Variants in NPAS3 observed in about 807,000 individuals in gnomAD.
NPAS3 encodes the protein neuronal PAS domain-containing protein 3.
Under a neutral mutation model 73.1 loss-of-function variants are expected in NPAS3, and 14 were observed. The ratio of observed to expected loss-of-function variants is 0.19; its 90% CI spans 0.13 to 0.30. NPAS3 has a LOEUF of 0.30. NPAS3 is among the 10% of genes least tolerant of loss of function. The pLI is 1.00. For missense variants in NPAS3, 1,096 were observed against 1,250.0 expected (o/e 0.88, Z 1.86); for synonymous variants, 620 against 541.5 (o/e 1.14, Z -2.01).
At chr14:33,485,608 C>G (rs920350075) in intron 4 of NPAS3, among the ~76,000 whole-genome samples, 4 of 152,124 alleles carry the variant, frequency 2.6e-5, no homozygotes, top group Non-Finnish European at 4.4e-5. Flanking sequence ...GGAAGTGAAG[C>G]GTGTCCTCTT....
intron 4 of NPAS3, among the ~76,000 whole-genome samples, chr14:33,472,904 A>G (rs1046807416): frequency 6.6e-6 from 1 of 150,910 alleles, no homozygotes; most frequent in Non-Finnish European, 1.5e-5. Flanking sequence ...GCTTATAAGA[A>G]AACCTAGAGA....
At chr14:33,710,760 A>T (rs1030925267) in intron 6 of NPAS3, among the ~76,000 whole-genome samples, 1 of 152,222 alleles carries the variant, frequency 6.6e-6, no homozygotes, top group Admixed American at 6.5e-5. Context: ...GCTAACTTTT[A>T]TTTATTCTAG....
intron 4 of NPAS3, among the ~76,000 whole-genome samples, chr14:33,553,315 T>G (rs1003008016): frequency 9.9e-5 from 15 of 152,236 alleles, no homozygotes; most frequent in African/African-American, 3.6e-4. Flanking sequence ...TTCTCATGTT[T>G]TAACACTTTG....
At chr14:33,109,072 T>G (rs116961674) in intron 2 of NPAS3, among the ~76,000 whole-genome samples, 1 of 152,258 alleles carries the variant, frequency 6.6e-6, no homozygotes, top group Non-Finnish European at 1.5e-5. Flanking sequence ...CTAGTAATAA[T>G]AAAGAAACAC....
At chr14:33,497,040 C>G (rs1046340202) in intron 4 of NPAS3, among the ~76,000 whole-genome samples, 11 of 152,274 alleles carry the variant, frequency 7.2e-5, no homozygotes, top group African/African-American at 2.6e-4. Context: ...CACAAGCATT[C>G]CTATTCACCA....
chr14:33,583,185 G>A (rs1255764711), intron 5 of NPAS3: 1 of 152,050 alleles, frequency 6.6e-6, no homozygotes, highest in East Asian at 1.9e-4. Flanking sequence ...AATTGTAAAA[G>A]GCTATTTGCA....
intron 2 of NPAS3, among the ~76,000 whole-genome samples, chr14:33,112,525 C>G (rs1487130584): frequency 2.0e-5 from 3 of 151,740 alleles, no homozygotes; most frequent in African/African-American, 7.3e-5. Flanking sequence ...TTGTTTTTTT[C>G]TTGTAAATCT....
intron 4 of NPAS3, among the ~76,000 whole-genome samples, chr14:33,457,346 A>G (rs2050069222): frequency 6.6e-6 from 1 of 152,248 alleles, no homozygotes; most frequent in Non-Finnish European, 1.5e-5. Flanking sequence ...GTGAAATAGT[A>G]CTAACCACAA....
intron 5 of NPAS3, chr14:33,578,196 T>A (rs1290009226): frequency 2.2e-6 from 1 of 456,006 alleles, no homozygotes; most frequent in Non-Finnish European, 4.4e-6. Context: ...CACCTTTGTT[T>A]TTTTTTCCCT....
At chr14:33,559,736 T>TGGCCGGGCGC in intron 4 of NPAS3, among the ~76,000 whole-genome samples, 1 of 152,312 alleles carries the variant, frequency 6.6e-6, no homozygotes, top group Non-Finnish European at 1.5e-5. Context: ...AAATTCAGCG[T>TGGCCGGGCGC]GGCCGGGCGC....
intron 8 of NPAS3, among the ~76,000 whole-genome samples, chr14:33,774,918 C>CACACAG (rs1178736677): frequency 1.3e-5 from 2 of 152,092 alleles, no homozygotes; most frequent in Admixed American, 1.3e-4. Flanking sequence ...GGTCAGTGTT[C>CACACAG]ACACAGACGC....
intron 1 of NPAS3, among the ~76,000 whole-genome samples, chr14:32,949,285 T>G (rs1349000371): frequency 1.3e-5 from 2 of 152,112 alleles, no homozygotes; most frequent in Non-Finnish European, 2.9e-5. Flanking sequence ...TCGGTAGTCC[T>G]GTGTTCCTTT....
chr14:33,748,266 T>A (rs1420320071), intron 7 of NPAS3, among the ~76,000 whole-genome samples: 1 of 152,142 alleles, frequency 6.6e-6, no homozygotes, highest in Non-Finnish European at 1.5e-5. Context: ...TTATACAAGT[T>A]TTTTAGTATT....
intron 4 of NPAS3, among the ~76,000 whole-genome samples, chr14:33,402,978 C>T (rs1204260008): frequency 6.6e-6 from 1 of 152,116 alleles, no homozygotes; most frequent in Admixed American, 6.6e-5. Flanking sequence ...GTGGTATCTT[C>T]CATGCCTCTG....
chr14:33,266,171 TA>T (rs1461993443), intron 3 of NPAS3, among the ~76,000 whole-genome samples: 4 of 152,146 alleles, frequency 2.6e-5, no homozygotes, highest in African/African-American at 9.7e-5. Flanking sequence ...AATCTGAAAT[TA>T]AAGAGGCCTA....
At chr14:33,573,324 C>T (rs1287729608) in intron 5 of NPAS3, among the ~76,000 whole-genome samples, 1 of 152,118 alleles carries the variant, frequency 6.6e-6, no homozygotes, top group Non-Finnish European at 1.5e-5. Flanking sequence ...AGGCATAGTT[C>T]CTGCCCTTCA....
rs150267895 is a variant in NPAS3 at position 33,278,866 on chromosome 14, A to G, written c.385+63440A>G. On this transcript the variant is annotated intron_variant, in intron 3 of 11. Transcript: ENST00000356141. ...ACGTAAAATTTTAATGCGAGTGTGT[A>G]TATAATTTGCATGAGCAGAAAGGAC... 1.4e-3 allele frequency among the ~76,000 whole-genome samples: 209 copies of G among 152,350 alleles called. 2 individuals are homozygous for G. Among genetic ancestry groups the G allele is most frequent in the Middle Eastern group, 6.8e-3 (2 of 294 alleles).
intron 4 of NPAS3, among the ~76,000 whole-genome samples, chr14:33,514,585 C>G (rs1382705446): frequency 6.6e-6 from 1 of 151,918 alleles, no homozygotes; most frequent in African/African-American, 2.4e-5. Context: ...CTAATCTCGT[C>G]AAGAAGGTTC....
intron 3 of NPAS3, among the ~76,000 whole-genome samples, chr14:33,307,001 C>T (rs1451104503): frequency 6.6e-6 from 1 of 152,150 alleles, no homozygotes; most frequent in East Asian, 1.9e-4. Context: ...TAAGGCCTTC[C>T]AGGCTGAATA....
Sources: gnomAD v4.1 joint callset for allele counts (sites outside exome capture counted in the v4.1 genomes callset) on GRCh38, gnomAD v4.1.1 for gene constraint, MANE v1.5 for transcripts, NCBI Gene and HGNC (gene_info 2026-07-23, HGNC 2026-07-21) for gene names.